Variants in MEGF6 observed in about 807,000 individuals in gnomAD.
MEGF6 encodes the protein multiple EGF like domains 6.
MEGF6 carries 184 observed loss-of-function variants against 207.1 expected under a neutral mutation model. The ratio of observed to expected loss-of-function variants is 0.89; its 90% CI spans 0.79 to 1.00. The LOEUF (loss-of-function observed/expected upper bound fraction) is 1.00. Among genes scored for constraint, MEGF6 ranks in the 50% least tolerant of loss-of-function variants. The probability of loss-of-function intolerance (pLI) is 0.00; values close to 1 mark genes in which losing one functional copy is unlikely to be tolerated. For synonymous variants in MEGF6, 1,038 were observed against 910.0 expected (o/e 1.14, Z -2.53); for missense variants, 2,282 against 2,202.9 (o/e 1.04, Z -0.72).
chr1:3,494,338 G>A, intron 32 of MEGF6, 33 bp downstream of exon 32: 1 of 1,527,524 alleles, frequency 6.5e-7, no homozygotes, highest in Non-Finnish European at 8.8e-7. Flanking sequence ...GCTCAAAGGG[G>A]CCCCAGCCCA....
intron 4 of MEGF6, among the ~76,000 whole-genome samples, chr1:3,578,927 T>TCACCCAGCTCAGAACGCTGGGGAGAC (rs1557791109): frequency 2.6e-5 from 4 of 151,278 alleles, no homozygotes; most frequent in African/African-American, 7.4e-5. Context: ...GGCAGGGGTG[T>TCACCCAGCTCAGAACGCTGGGGAGAC]CCTTCACAAA....
At chr1:3,599,858 T>C (rs1460169688) in intron 2 of MEGF6, among the ~76,000 whole-genome samples, 1 of 152,134 alleles carries the variant, frequency 6.6e-6, no homozygotes, top group East Asian at 1.9e-4. Context: ...CTGTGCCCCG[T>C]TTCTGGGCTG....
chr1:3,519,340 G>A (rs1055567286), intron 5 of MEGF6, among the ~76,000 whole-genome samples: 7 of 152,378 alleles, frequency 4.6e-5, no homozygotes, highest in African/African-American at 1.7e-4. Flanking sequence ...TTTAGGGAGT[G>A]GCAGGCAGCA....
chr1:3,558,322 T>C (rs113522154), intron 4 of MEGF6, among the ~76,000 whole-genome samples: 468 of 152,312 alleles, frequency 3.1e-3, no homozygotes, highest in Middle Eastern at 0.01. Context: ...GTCGACCTCC[T>C]TTCTAATTTT....
At position 3,545,249 on chromosome 1, in the gene MEGF6, C is replaced by A. The variant is rs138275690; in HGVS notation, c.482-21003G>T. ...CCCCAGGGTTGAGGTGAAATCGGTT[C>A]AGCACAGGCCCCCCAGAATGCCAGA... On this transcript the variant is annotated intron_variant, in intron 4 of 36. Coordinates refer to ENST00000356575, the MANE Select transcript of MEGF6 (RefSeq NM_001409.4). Among the ~76,000 whole-genome samples, 58 of 152,288 alleles carry A rather than the reference C, an allele frequency of 3.8e-4. 1 individual carries two copies. Among genetic ancestry groups the A allele is most frequent in the African/African-American group, 1.3e-3 (56 of 41,560 alleles).
intron 2 of MEGF6, among the ~76,000 whole-genome samples, chr1:3,599,630 G>A (rs1013496266): frequency 3.9e-5 from 6 of 152,224 alleles, no homozygotes; most frequent in South Asian, 2.1e-4. Flanking sequence ...CTCACAGCCC[G>A]AGTCACCAGT....
intron 1 of MEGF6, among the ~76,000 whole-genome samples, chr1:3,606,892 G>T (rs569023737): frequency 3.5e-4 from 54 of 152,242 alleles, no homozygotes; most frequent in African/African-American, 1.2e-3. Context: ...AAGGGACTCT[G>T]TCACCATCTC....
intron 4 of MEGF6, among the ~76,000 whole-genome samples, chr1:3,538,986 C>T (rs1019992732): frequency 5.3e-5 from 8 of 152,138 alleles, no homozygotes; most frequent in Non-Finnish European, 7.4e-5. Flanking sequence ...AGGAGTGATC[C>T]GGGAGGCTTC....
chr1:3,503,012 T>C (rs924952638), intron 17 of MEGF6, among the ~76,000 whole-genome samples: 3 of 152,162 alleles, frequency 2.0e-5, no homozygotes, highest in African/African-American at 7.2e-5. Context: ...GACCCCGTGC[T>C]GCATGCCAAA....
Position 3,509,078 on chromosome 1 carries a change from A to T in MEGF6, c.1525T>A (p.Phe509Ile). The change falls in exon 12 of 37, where the codon TTT becomes ATT. Residue 509 changes from phenylalanine (F) to isoleucine (I), a missense_variant. Physicochemically the swap from Phe to Ile is conservative, Grantham distance 21 (BLOSUM62 0). Transcript: ENST00000356575. ...CGGGGGCTGGGCCCGCGCTCACCAA[A>T]CTTCTCTGTGAGCGTGTGTTCGCCC... ...LRGEHTLTEK[F>I]VCLDDSFGHD... 1 of 1,588,316 alleles carries T rather than the reference A, an allele frequency of 6.3e-7. No individual in the cohort carries two copies. Among genetic ancestry groups the T allele is most frequent in the Non-Finnish European group, 8.6e-7 (1 of 1,168,802 alleles).
intron 4 of MEGF6, among the ~76,000 whole-genome samples, chr1:3,576,810 G>T (rs879870204): frequency 3.5e-5 from 2 of 57,432 alleles, no homozygotes; most frequent in Non-Finnish European, 6.9e-5. Flanking sequence ...ACCCCTGCAG[G>T]CCTGGCCCTG....
At chr1:3,534,157 C>T (rs1191649062) in intron 4 of MEGF6, among the ~76,000 whole-genome samples, 1 of 152,140 alleles carries the variant, frequency 6.6e-6, no homozygotes, top group Non-Finnish European at 1.5e-5. Context: ...GAGCCATGCA[C>T]CGTGGCTTGT....
At chr1:3,623,409 G>C in the MEGF6 span, 1 of 152,290 alleles carries the variant, frequency 6.6e-6, no homozygotes, top group African/African-American at 2.4e-5. Flanking sequence ...GGTCCCCGCT[G>C]GTAAGATAGC....
chr1:3,609,624 T>C (rs1360134450), intron 1 of MEGF6, among the ~76,000 whole-genome samples: 7 of 152,194 alleles, frequency 4.6e-5, no homozygotes, highest in Admixed American at 2.6e-4. Context: ...GAGGGGAGGC[T>C]TGGAGAAAGG....
At chr1:3,498,175 T>A (rs1292043289) in intron 26 of MEGF6, among the ~76,000 whole-genome samples, 196 bp downstream of exon 26, 3 of 152,086 alleles carry the variant, frequency 2.0e-5, no homozygotes, top group Admixed American at 1.3e-4. Context: ...CAGCACTCTG[T>A]CCCCACAGGC....
At chr1:3,528,704 C>CTA (rs941374184) in intron 4 of MEGF6, among the ~76,000 whole-genome samples, 1 of 152,110 alleles carries the variant, frequency 6.6e-6, no homozygotes, top group African/African-American at 2.4e-5. Context: ...AGGTGCTGTG[C>CTA]TATAGGCTTT....
intron 18 of MEGF6, 82 bp from the exon 19 acceptor site, chr1:3,501,390 A>T (rs1640857862): frequency 6.7e-7 from 1 of 1,497,096 alleles, no homozygotes; most frequent in African/African-American, 1.4e-5. Flanking sequence ...ATGCCCCTGG[A>T]GCCACGGCCG....
intron 4 of MEGF6, among the ~76,000 whole-genome samples, chr1:3,551,688 C>T (rs187979968): frequency 1.2e-4 from 18 of 152,264 alleles, no homozygotes; most frequent in South Asian, 4.1e-4. Context: ...CCCCACACAC[C>T]CCTCTGCCCA....
chr1:3,614,374 T>C (rs549915410), upstream of MEGF6, among the ~76,000 whole-genome samples: 87 of 152,334 alleles, frequency 5.7e-4, no homozygotes, highest in African/African-American at 2.0e-3. Context: ...CTAGACTTGA[T>C]ACATGAAAAA....
Sources: gnomAD v4.1 joint callset for allele counts (sites outside exome capture counted in the v4.1 genomes callset) on GRCh38, gnomAD v4.1.1 for gene constraint, MANE v1.5 for transcripts, NCBI Gene and HGNC (gene_info 2026-07-23, HGNC 2026-07-21) for gene names.